Variants in HPSE2 observed in about 807,000 individuals in gnomAD.
The protein encoded by HPSE2 is inactive heparanase-2.
HPSE2 carries 38 observed loss-of-function variants against 60.5 expected under a neutral mutation model. That is an observed-to-expected ratio of 0.63 (90% confidence interval 0.48 to 0.82). The LOEUF (loss-of-function observed/expected upper bound fraction) is 0.82, where lower values mean the gene tolerates loss of function less well. Among genes scored for constraint, HPSE2 ranks in the 40% least tolerant of loss-of-function variants. The probability of loss-of-function intolerance (pLI) is 0.00; values close to 1 mark genes in which losing one functional copy is unlikely to be tolerated. For synonymous variants in HPSE2, 295 were observed against 293.2 expected (o/e 1.01, Z -0.06); for missense variants, 713 against 740.4 (o/e 0.96, Z 0.43).
chr10:98,889,157 T>C (rs1366317836), intron 3 of HPSE2, among the ~76,000 whole-genome samples: 1 of 151,996 alleles, frequency 6.6e-6, no homozygotes, highest in African/African-American at 2.4e-5. Context: ...AGTAGTGAAG[T>C]TGATTGAATC....
At chr10:98,566,762 A>G (rs916436150) in intron 9 of HPSE2, among the ~76,000 whole-genome samples, 1 of 152,078 alleles carries the variant, frequency 6.6e-6, no homozygotes, top group Non-Finnish European at 1.5e-5. Context: ...TCATTTCTCC[A>G]CTTCCTAAGG....
At chr10:98,994,666 C>A (rs1956603565) in intron 3 of HPSE2, among the ~76,000 whole-genome samples, 1 of 152,180 alleles carries the variant, frequency 6.6e-6, no homozygotes, top group East Asian at 1.9e-4. Flanking sequence ...TGAGGCACAG[C>A]TCAGTATTGA....
intron 3 of HPSE2, among the ~76,000 whole-genome samples, chr10:98,929,006 A>ATAAG (rs1954568074): frequency 7.1e-6 from 1 of 141,828 alleles, no homozygotes; most frequent in African/African-American, 2.9e-5. Context: ...AAATAAATAA[A>ATAAG]TAAATAAATA....
chr10:99,169,881 C>T (rs1338374277), intron 2 of HPSE2, among the ~76,000 whole-genome samples: 2 of 152,134 alleles, frequency 1.3e-5, no homozygotes, highest in Non-Finnish European at 2.9e-5. Flanking sequence ...TGCAACTACT[C>T]AACTCTGTGG....
At chr10:98,544,614 G>A (rs1476486283) in intron 9 of HPSE2, among the ~76,000 whole-genome samples, 1 of 150,066 alleles carries the variant, frequency 6.7e-6, no homozygotes, top group Non-Finnish European at 1.5e-5. Flanking sequence ...GCGGGAGGCT[G>A]AGGCAGGAGA....
At position 98,892,426 on chromosome 10, in the gene HPSE2, C is replaced by A. The variant is rs532214301; in HGVS notation, c.611-148370G>T. 3.5e-4 allele frequency among the ~76,000 whole-genome samples: 54 copies of A among 152,252 alleles called. 2 individuals carry two copies. In the South Asian group the frequency reaches 0.011, roughly 30 times the overall value. ...TTTATCCTGACACCACCAAGTCCACCTTCTACTTAACTCAGCAAATATTTG... is the reference window on the plus strand; with the variant it reads ...TTTATCCTGACACCACCAAGTCCACATTCTACTTAACTCAGCAAATATTTG... On this transcript the variant is annotated intron_variant, in intron 3 of 11. Transcript: ENST00000370552.
chr10:99,135,446 A>G (rs1199485345), intron 3 of HPSE2, among the ~76,000 whole-genome samples: 1 of 152,246 alleles, frequency 6.6e-6, no homozygotes, highest in Admixed American at 6.5e-5. Flanking sequence ...AAAATTGACC[A>G]CATAATTGGA....
At chr10:98,664,940 T>C (rs1263630410) in intron 6 of HPSE2, among the ~76,000 whole-genome samples, 1 of 152,158 alleles carries the variant, frequency 6.6e-6, no homozygotes, top group Non-Finnish European at 1.5e-5. Context: ...CCCAAATGGT[T>C]CTTAATCAGA....
At chr10:99,252,955 C>T in the HPSE2 span, among the ~76,000 whole-genome samples, 1 of 150,400 alleles carries the variant, frequency 6.6e-6, no homozygotes, top group East Asian at 1.9e-4. Context: ...AGGAGAACTA[C>T]AAAACACTGC....
At chr10:99,204,737 G>T (rs992652974) in intron 2 of HPSE2, among the ~76,000 whole-genome samples, 2 of 151,972 alleles carry the variant, frequency 1.3e-5, no homozygotes, top group African/African-American at 2.4e-5. Flanking sequence ...ATTTTTTGGA[G>T]ATTTGGAAAA....
intron 3 of HPSE2, among the ~76,000 whole-genome samples, chr10:98,801,812 T>C (rs768938108): frequency 6.6e-6 from 1 of 152,104 alleles, no homozygotes; most frequent in Non-Finnish European, 1.5e-5. Context: ...AAAATACCAA[T>C]GACATTCTTC....
At chr10:98,504,930 T>A (rs1006711129) in intron 9 of HPSE2, among the ~76,000 whole-genome samples, 8 of 152,210 alleles carry the variant, frequency 5.3e-5, no homozygotes, top group Admixed American at 5.2e-4. Context: ...TTATTCAGTG[T>A]GTTAGCTTTA....
In HPSE2 at chr10:98,790,220, C is replaced by T. The variant is rs183143906; in HGVS notation, c.611-46164G>A. 2.0e-4 allele frequency among the ~76,000 whole-genome samples: 31 copies of T among 152,240 alleles called. 1 individual carries two copies. The highest frequency in any genetic ancestry group is 6.8e-3 in the Middle Eastern group (2 of 294). On this transcript the variant is annotated intron_variant, in intron 3 of 11. Transcript: ENST00000370552. Reference sequence around the variant, plus strand: ...GTATATGTGCCACATTTTATTTATTCATTCCTTGATAGACAAATAAGTTGA... The same window carrying T: ...GTATATGTGCCACATTTTATTTATTTATTCCTTGATAGACAAATAAGTTGA...
intron 3 of HPSE2, among the ~76,000 whole-genome samples, chr10:98,760,009 T>A (rs1949969688): frequency 1.3e-5 from 2 of 152,062 alleles, no homozygotes; most frequent in African/African-American, 4.8e-5. Context: ...CACTTTTTGG[T>A]TAATTTTATT....
Position 99,132,204 on chromosome 10 carries a change from AGAGAGAGAGAG to A in HPSE2, c.610+12023_610+12033del, listed in dbSNP as rs1564832926. ...AAGAAAGAAAGAAAGAGAGAGAGAG[AGAGAGAGAGAG>A]AGAGAGAGAGAGAGAGAGAGAGAGA... On this transcript the variant is annotated intron_variant, in intron 3 of 11. Transcript: ENST00000370552. Among the ~76,000 whole-genome samples, 17 of 21,260 alleles carry A rather than the reference AGAGAGAGAGAG, an allele frequency of 8.0e-4. 1 individual carries two copies. Among genetic ancestry groups the A allele is most frequent in the Admixed American group, 1.3e-3 (2 of 1,534 alleles). The allele number at this position is 21,260 out of a possible 152,430, so 13.9% of individuals were successfully genotyped here. A position where few individuals can be genotyped will look rare whatever the true frequency, so the allele number is the denominator to read the frequency against.
At chr10:98,749,947 T>TATATATATATATATATATACAC in intron 3 of HPSE2, among the ~76,000 whole-genome samples, 2,091 of 98,270 alleles carry the variant, frequency 0.021, 46 homozygotes, top group Middle Eastern at 0.045. Context: ...TATATATATA[T>TATATATATATATATATATACAC]ACACACACAC....
At chr10:99,244,692 G>A in the HPSE2 span, among the ~76,000 whole-genome samples, 1 of 147,134 alleles carries the variant, frequency 6.8e-6, no homozygotes, top group Non-Finnish European at 1.5e-5. Context: ...CTACAGGCAT[G>A]AGACTTTGAC....
intron 3 of HPSE2, among the ~76,000 whole-genome samples, chr10:98,764,002 G>A (rs1329660166): frequency 6.6e-6 from 1 of 152,098 alleles, no homozygotes; most frequent in East Asian, 1.9e-4. Flanking sequence ...AACACTGTCT[G>A]AAGGAACTTC....
At chr10:98,885,995 T>A (rs1953152631) in intron 3 of HPSE2, among the ~76,000 whole-genome samples, 1 of 152,098 alleles carries the variant, frequency 6.6e-6, no homozygotes, top group Non-Finnish European at 1.5e-5. Context: ...CCTCTTAGTA[T>A]CCATATTATC....
Sources: gnomAD v4.1 joint callset for allele counts (sites outside exome capture counted in the v4.1 genomes callset) on GRCh38, gnomAD v4.1.1 for gene constraint, MANE v1.5 for transcripts, NCBI Gene and HGNC (gene_info 2026-07-23, HGNC 2026-07-21) for gene names.